The following LIMCH1 variants were observed in gnomAD, a reference collection of about 807,000 sequenced individuals.
LIMCH1 encodes LIM and calponin homology domains-containing protein 1.
In LIMCH1, 113 loss-of-function variants were observed where a neutral mutation model predicts 176.5. The ratio of observed to expected loss-of-function variants is 0.64; its 90% CI spans 0.55 to 0.75. The LOEUF (loss-of-function observed/expected upper bound fraction) is 0.75, where lower values mean the gene tolerates loss of function less well. Ranked by LOEUF, LIMCH1 falls within the 30% of genes least tolerant of loss-of-function variation. The pLI, the probability that LIMCH1 is intolerant of heterozygous loss-of-function variation, is 0.00. For synonymous variants in LIMCH1, 619 were observed against 645.9 expected (o/e 0.96, Z 0.63); for missense variants, 1,674 against 1,814.9 (o/e 0.92, Z 1.41).
At chr4:41,653,012 C>T (rs1035932385) in intron 18 of LIMCH1, among the ~76,000 whole-genome samples, 1 of 152,088 alleles carries the variant, frequency 6.6e-6, no homozygotes, top group Admixed American at 6.5e-5. Flanking sequence ...TATTTATGGA[C>T]CCTGTCTATA....
chr4:41,512,390 TA>T (rs1452232110), intron 2 of LIMCH1, among the ~76,000 whole-genome samples: 3 of 152,306 alleles, frequency 2.0e-5, no homozygotes, highest in African/African-American at 7.2e-5. Flanking sequence ...ACCCAGCTGT[TA>T]TACTCCTAAG....
At chr4:41,568,117 C>T (rs1449745734) in intron 1 of LIMCH1, among the ~76,000 whole-genome samples, 2 of 152,190 alleles carry the variant, frequency 1.3e-5, no homozygotes, top group Non-Finnish European at 2.9e-5. Context: ...TGCACCACTG[C>T]ACTTCAGCCT....
chr4:41,421,546 T>C (rs1364106986), intron 1 of LIMCH1, among the ~76,000 whole-genome samples: 11 of 152,330 alleles, frequency 7.2e-5, no homozygotes, highest in African/African-American at 2.6e-4. Context: ...TACTGTTATC[T>C]CTCCTTTACA....
rs1364438755 is a variant in LIMCH1, at chr4:41,626,752, T to C, written c.770T>C (p.Val257Ala). Residue 257 changes from valine to alanine, a missense_variant, in exon 8 of 32, where the codon GTC becomes GCC. Val to Ala is a moderately conservative substitution (Grantham distance 64). This residue lies in a region of LIMCH1 where 655 missense variants were observed against 692.2 expected (regional missense o/e 0.95). Coordinates refer to ENST00000503057, the MANE Select transcript of LIMCH1 (RefSeq NM_001330672.2). ...SEEKEAIRDI[V>A]LRKENSFLTH... The stretch of plus-strand genomic sequence containing the variant: ...GAGAAAGAAGCTATTCGTGATATTG[T>C]CCTTCGCAAAGAAAACTCTTTCCTG... The C allele has an allele frequency of 2.0e-6, 3 of 1,536,272 alleles. No individual in the cohort carries two copies.
rs528415080 is a variant in LIMCH1, at chr4:41,501,741, G to A, written c.167+7135G>A. On this transcript the variant is annotated intron_variant, in intron 2 of 26. Transcript: ENST00000313860. The stretch of plus-strand genomic sequence containing the variant: ...TACTGAATTATAGAAAACAATAGAA[G>A]ACAAATTAATTCCCTTGTCCACTGT... 2.0e-5 allele frequency among the ~76,000 whole-genome samples: 3 copies of A among 151,464 alleles called. No homozygotes were observed. The South Asian group carries it at 6.3e-4, about 32-fold the overall frequency.
At chr4:41,671,491 A>C in intron 21 of LIMCH1, 63 bp from the exon 22 acceptor site, 1 of 1,418,296 alleles carries the variant, frequency 7.1e-7, no homozygotes, top group Non-Finnish European at 9.9e-7. Context: ...TAGGTCAAAA[A>C]CAAAGACAAT....
At chr4:41,676,520 TGCATTAAATAGACTTTTA>T (rs1193099783) in intron 23 of LIMCH1, 58 bp downstream of exon 23, 1 of 1,220,662 alleles carries the variant, frequency 8.2e-7, no homozygotes, top group East Asian at 2.3e-5. Context: ...TGCTTTCCAT[TGCATTAAATAGACTTTTA>T]GCACAGGAAA....
chr4:41,502,907 T>TCACACACACA (rs71650929), intron 2 of LIMCH1, among the ~76,000 whole-genome samples: 34 of 142,216 alleles, frequency 2.4e-4, no homozygotes, highest in African/African-American at 7.3e-4. Context: ...CGGAGGTAAA[T>TCACACACACA]CACACACACA....
chr4:41,629,851 A>G, intron 9 of LIMCH1, 117 bp downstream of exon 9: 1 of 1,210,296 alleles, frequency 8.3e-7, no homozygotes, highest in Non-Finnish European at 1.1e-6. Flanking sequence ...TCTGTTGCCC[A>G]GGCTGGAATA....
At chr4:41,483,944 G>A (rs566783499) in intron 1 of LIMCH1, among the ~76,000 whole-genome samples, 1 of 152,166 alleles carries the variant, frequency 6.6e-6, no homozygotes, top group African/African-American at 2.4e-5. Context: ...TCCAGGCTCT[G>A]TTTTTTACTA....
intron 1 of LIMCH1, among the ~76,000 whole-genome samples, chr4:41,416,389 C>T (rs188346824): frequency 5.3e-5 from 8 of 152,124 alleles, no homozygotes; most frequent in Non-Finnish European, 8.8e-5. Context: ...CTGTGGCTCA[C>T]GCTTGTAATC....
intron 1 of LIMCH1, among the ~76,000 whole-genome samples, chr4:41,548,916 G>C (rs1037456553): frequency 5.9e-5 from 9 of 152,190 alleles, no homozygotes; most frequent in African/African-American, 1.7e-4. Flanking sequence ...GAGCTGAGGG[G>C]CTTTGGGCAG....
intron 1 of LIMCH1, among the ~76,000 whole-genome samples, chr4:41,371,300 C>T (rs2053923787): frequency 6.6e-6 from 1 of 152,146 alleles, no homozygotes; most frequent in Non-Finnish European, 1.5e-5. Flanking sequence ...CAAGCACATT[C>T]TCTGAAACTG....
chr4:41,465,315 T>G (rs2065953933), intron 1 of LIMCH1, among the ~76,000 whole-genome samples: 1 of 152,174 alleles, frequency 6.6e-6, no homozygotes, highest in South Asian at 2.1e-4. Context: ...CTGAGAAATC[T>G]GCTTGATGAG....
At chr4:41,596,963 G>C (rs2088961302) in intron 1 of LIMCH1, among the ~76,000 whole-genome samples, 1 of 152,102 alleles carries the variant, frequency 6.6e-6, no homozygotes, top group South Asian at 2.1e-4. Context: ...ACTCGTCATT[G>C]TTCTCCCTGT....
At chr4:41,603,297 A>C (rs2152761891) in intron 2 of LIMCH1, among the ~76,000 whole-genome samples, 1 of 152,318 alleles carries the variant, frequency 6.6e-6, no homozygotes, top group East Asian at 1.9e-4. Context: ...GAGAGTAAAC[A>C]TGGGTGCATA....
At chr4:41,395,622 T>G (rs1350659271) in intron 1 of LIMCH1, among the ~76,000 whole-genome samples, 2 of 152,210 alleles carry the variant, frequency 1.3e-5, no homozygotes, top group Non-Finnish European at 2.9e-5. Flanking sequence ...TATTAAATAC[T>G]TCTTGGTAGC....
intron 1 of LIMCH1, among the ~76,000 whole-genome samples, chr4:41,585,885 G>A (rs745653551): frequency 5.9e-5 from 9 of 152,132 alleles, no homozygotes; most frequent in Non-Finnish European, 1.0e-4. Context: ...GAAAACATCC[G>A]AAATGTTATA....
chr4:41,463,911 C>A (rs949648502), intron 1 of LIMCH1, among the ~76,000 whole-genome samples: 1 of 152,038 alleles, frequency 6.6e-6, no homozygotes, highest in African/African-American at 2.4e-5. Flanking sequence ...GGGATGAGGT[C>A]TCACTCTATT....
Sources: gnomAD v4.1 joint callset for allele counts (sites outside exome capture counted in the v4.1 genomes callset) on GRCh38, gnomAD v4.1.1 for gene constraint, gnomAD v4.1.1 regional missense constraint, MANE v1.5 for transcripts, NCBI Gene and HGNC (gene_info 2026-07-23, HGNC 2026-07-21) for gene names.